The following SLC4A5 variants were observed in gnomAD, a reference collection of about 807,000 sequenced individuals.
SLC4A5 encodes solute carrier family 4 member 5.
A neutral mutation model predicts 120.4 loss-of-function variants in SLC4A5; 96 were observed. The ratio of observed to expected loss-of-function variants is 0.80; its 90% CI spans 0.68 to 0.94. SLC4A5 has a LOEUF of 0.94. Ranked by LOEUF, SLC4A5 falls within the 40% of genes least tolerant of loss-of-function variation. The pLI is 0.00. For missense variants in SLC4A5, 1,259 were observed against 1,459.5 expected (o/e 0.86, Z 2.24); for synonymous variants, 550 against 571.1 (o/e 0.96, Z 0.53).
intron 10 of SLC4A5, among the ~76,000 whole-genome samples, chr2:74,263,019 T>C (rs1671191037): frequency 6.6e-6 from 1 of 152,184 alleles, no homozygotes; most frequent in African/African-American, 2.4e-5. Flanking sequence ...GCTATTATGG[T>C]ATGTTAAACA....
intron 4 of SLC4A5, among the ~76,000 whole-genome samples, chr2:74,330,589 G>C (rs112513857): frequency 0.2 from 1,264 of 6,372 alleles, no homozygotes; most frequent in Non-Finnish European, 0.22. Context: ...GTGAGGTATA[G>C]ATGGTGGTGG....
intron 27 of SLC4A5, 144 bp downstream of exon 27, chr2:74,226,813 T>G: frequency 1.1e-6 from 1 of 928,320 alleles, no homozygotes; most frequent in Non-Finnish European, 1.7e-6. Context: ...AATCAGGTCA[T>G]TCTGTGCCAG....
intron 22 of SLC4A5, 30 bp from the exon 23 acceptor site, chr2:74,233,593 T>A: frequency 4.4e-6 from 7 of 1,587,906 alleles, no homozygotes; most frequent in Non-Finnish European, 6.0e-6. Context: ...GAGGGGCCCT[T>A]TCCTCTCTCC....
chr2:74,298,171 C>G (rs1672384661), intron 7 of SLC4A5, among the ~76,000 whole-genome samples: 1 of 152,146 alleles, frequency 6.6e-6, no homozygotes, highest in Non-Finnish European at 1.5e-5. Context: ...AGATTTCAAG[C>G]TATATTACAA....
intron 7 of SLC4A5, among the ~76,000 whole-genome samples, chr2:74,302,930 G>A (rs1378414138): frequency 6.6e-6 from 1 of 152,096 alleles, no homozygotes; most frequent in East Asian, 1.9e-4. Context: ...TATGTGTGAG[G>A]CATCCAGAAC....
chr2:74,265,338 AG>A, intron 8 of SLC4A5, 74 bp from the exon 9 acceptor site: 1 of 1,547,960 alleles, frequency 6.5e-7, no homozygotes, highest in Non-Finnish European at 8.8e-7. Flanking sequence ...TCCCCAAAAG[AG>A]GGGTGTCATG....
At chr2:74,315,588 T>C (rs1672943079) in intron 5 of SLC4A5, among the ~76,000 whole-genome samples, 1 of 150,592 alleles carries the variant, frequency 6.6e-6, no homozygotes, top group Admixed American at 6.6e-5. Context: ...CTCTGAAAAG[T>C]AAATTTATTA....
At chr2:74,226,185 C>T (rs1694836090) in intron 27 of SLC4A5, among the ~76,000 whole-genome samples, 1 of 151,254 alleles carries the variant, frequency 6.6e-6, no homozygotes, top group Non-Finnish European at 1.5e-5. Context: ...ATGGGCAGCC[C>T]GGGTCAAGAA....
chr2:74,256,946 G>A lies in SLC4A5; in HGVS notation c.868-1014C>T, dbSNP rs557307420. ...GGTAGAGGACAGCTCTGAAGAGAGC[G>A]CCTGTGAACATCACAATTTTCCTAC... On this transcript the variant is annotated intron_variant, in intron 12 of 30. Transcript: ENST00000394019. Among the ~76,000 whole-genome samples the A allele has an allele frequency of 9.9e-5, 15 of 152,250 alleles. No homozygotes were observed. In the South Asian group the frequency reaches 2.9e-3, roughly 29 times the overall value.
chr2:74,226,854 C>G, intron 27 of SLC4A5, 103 bp downstream of exon 27: 1 of 1,378,700 alleles, frequency 7.3e-7, no homozygotes, highest in Non-Finnish European at 1.0e-6. Flanking sequence ...CAGGCCACAG[C>G]TGACAGGAAG....
At chr2:74,219,630 C>T (rs182331185) in intron 30 of SLC4A5, among the ~76,000 whole-genome samples, 2 of 152,138 alleles carry the variant, frequency 1.3e-5, no homozygotes, top group Non-Finnish European at 2.9e-5. Context: ...TGTCTTAGGG[C>T]CTTGTGTAAT....
intron 17 of SLC4A5, among the ~76,000 whole-genome samples, chr2:74,249,438 AC>A (rs1445800063): frequency 2.0e-5 from 3 of 152,198 alleles, no homozygotes; most frequent in African/African-American, 7.2e-5. Context: ...TACTTGAAGA[AC>A]CAAAAGATGA....
At chr2:74,270,529 C>A (rs1041247845) in intron 8 of SLC4A5, among the ~76,000 whole-genome samples, 34 of 152,238 alleles carry the variant, frequency 2.2e-4, no homozygotes, top group African/African-American at 7.9e-4. Context: ...AAAAATTAGC[C>A]AGGCGTGGTG....
rs931050537 is a variant in SLC4A5, at chr2:74,315,030, A to G, written c.-2-5T>C. The G allele has an allele frequency of 6.2e-7, 1 of 1,612,168 alleles. No homozygotes were observed. The highest frequency in any genetic ancestry group is 1.3e-5 in the African/African-American group (1 of 75,012). ...TCTCCTCCTTCACCTTCATGACTATAAAGTAAAAGGAACACAGCCTCAAAA... is the reference window on the plus strand; with the variant it reads ...TCTCCTCCTTCACCTTCATGACTATGAAGTAAAAGGAACACAGCCTCAAAA... On this transcript the variant is annotated splice_region_variant and splice_polypyrimidine_tract_variant and intron_variant, in intron 5 of 30. Transcript: ENST00000394019.
intron 19 of SLC4A5, among the ~76,000 whole-genome samples, chr2:74,243,319 T>C (rs1195964064): frequency 6.6e-6 from 1 of 152,194 alleles, no homozygotes; most frequent in African/African-American, 2.4e-5. Context: ...TGGCCACCCA[T>C]AGGAAGTCAG....
chr2:74,258,502 T>C (rs1329254572), intron 12 of SLC4A5, among the ~76,000 whole-genome samples: 1 of 152,250 alleles, frequency 6.6e-6, no homozygotes, highest in African/African-American at 2.4e-5. Context: ...TCTGTATGCA[T>C]GAGTAAAAGT....
rs1387035016 is a variant in SLC4A5, at chr2:74,326,249, C to A, written c.-3+1871G>T. On this transcript the variant is annotated intron_variant, in intron 5 of 30. Transcript: ENST00000394019. ...CCAGTACAATCATCCACTACAATAT[C>A]TTGCCAAAGGAATTGTGCTAGCAAC... Among the ~76,000 whole-genome samples the A allele has an allele frequency of 5.9e-5, 9 of 152,332 alleles. No homozygotes were observed. In the East Asian group the frequency reaches 1.3e-3, roughly 23 times the overall value.
chr2:74,257,092 A>ATATGGTCAACAGGTCCTGCC (rs1670991030), intron 12 of SLC4A5, among the ~76,000 whole-genome samples: 1 of 152,042 alleles, frequency 6.6e-6, no homozygotes, highest in African/African-American at 2.4e-5. Context: ...ATGGGCATGG[A>ATATGGTCAACAGGTCCTGCC]TATGGTCAAC....
At chr2:74,338,978 AT>A (rs1335611695) in intron 2 of SLC4A5, 75 bp from the exon 3 acceptor site, 1 of 152,230 alleles carries the variant, frequency 6.6e-6, no homozygotes, top group Non-Finnish European at 1.5e-5. Flanking sequence ...TGTAGTGAGA[AT>A]TAAATATGAT....
Sources: gnomAD v4.1 joint callset for allele counts (sites outside exome capture counted in the v4.1 genomes callset) on GRCh38, gnomAD v4.1.1 for gene constraint, MANE v1.5 for transcripts, NCBI Gene and HGNC (gene_info 2026-07-23, HGNC 2026-07-21) for gene names.